Variants in USO1 observed in about 807,000 individuals in gnomAD.
The protein encoded by USO1 is general vesicular transport factor p115.
USO1 carries 57 observed loss-of-function variants against 124.5 expected under a neutral mutation model. The observed-to-expected ratio is 0.46, with a 90% confidence interval of 0.37 to 0.57. USO1 has a LOEUF of 0.57. Ranked by LOEUF, USO1 falls within the 20% of genes least tolerant of loss-of-function variation. The pLI is 0.00. For missense variants in USO1, 900 were observed against 1,040.6 expected (o/e 0.86, Z 1.86); for synonymous variants, 369 against 362.8 (o/e 1.02, Z -0.19).
chr4:75,736,194 C>T (rs1720783596), intron 1 of USO1, among the ~76,000 whole-genome samples: 1 of 151,864 alleles, frequency 6.6e-6, no homozygotes, highest in African/African-American at 2.4e-5. Flanking sequence ...TAAATCCTTC[C>T]AGACCTTTAT....
In USO1 at chr4:75,787,007, CTCAAGCCTTTTCAAA is replaced by C. The variant is rs1722380245; in HGVS notation, c.856-52_856-38del. ...TCTTGTTCACATAGATCAGATTTGC[CTCAAGCCTTTTCAAA>C]TCTTTAAAAGACAAATTTTGTTTTC... is the stretch of plus-strand genomic sequence containing the variant. On this transcript the variant is annotated intron_variant, in intron 9 of 23. Coordinates refer to ENST00000514213, the MANE Select transcript of USO1 (RefSeq NM_003715.4). 5 of 1,502,672 alleles carry C rather than the reference CTCAAGCCTTTTCAAA, an allele frequency of 3.3e-6. No homozygotes were observed. In the South Asian group the frequency reaches 7.0e-5, roughly 21 times the overall value. The allele number at this position is 1,502,672 out of a possible 1,614,324, so 93.1% of individuals were successfully genotyped here.
intron 6 of USO1, 67 bp downstream of exon 6, chr4:75,770,991 C>G: frequency 6.3e-7 from 1 of 1,597,662 alleles, no homozygotes; most frequent in Non-Finnish European, 8.5e-7. Flanking sequence ...GAGAAAGGGA[C>G]TGAAATGGTG....
rs188353788 is a variant in USO1 at position 75,778,188 on chromosome 4, C to T, written c.676+3392C>T. The stretch of plus-strand genomic sequence containing the variant: ...AAAATCTACTTTTTAACTTTTGGCT[C>T]CCCCAAAACTTAACCGCTAATAGAC... On this transcript the variant is annotated intron_variant, in intron 8 of 23. Transcript: ENST00000514213. Among the ~76,000 whole-genome samples the T allele has an allele frequency of 8.6e-4, 131 of 152,190 alleles. 2 individuals are homozygous for T. The highest frequency in any genetic ancestry group is 8.5e-4 in the Non-Finnish European group (58 of 67,996).
chr4:75,811,358 G>A (rs1194298199), intron 22 of USO1, among the ~76,000 whole-genome samples: 1 of 152,164 alleles, frequency 6.6e-6, no homozygotes, highest in African/African-American at 2.4e-5. Context: ...GATTCGCCAT[G>A]TTGGCCAGGC....
chr4:75,795,348 G>A (rs191143681), intron 13 of USO1: 30 of 702,330 alleles, frequency 4.3e-5, no homozygotes, highest in African/African-American at 2.8e-4. Context: ...TGATAAGATC[G>A]ACAGACGGGT....
chr4:75,780,619 T>C (rs1046242344), intron 8 of USO1, among the ~76,000 whole-genome samples: 3 of 145,386 alleles, frequency 2.1e-5, no homozygotes, highest in Non-Finnish European at 3.0e-5. Flanking sequence ...TTGCAGCCCA[T>C]GGATCAAGGA....
intron 13 of USO1, among the ~76,000 whole-genome samples, chr4:75,798,473 T>C (rs769946953): frequency 1.3e-5 from 2 of 152,186 alleles, no homozygotes; most frequent in Non-Finnish European, 2.9e-5. Flanking sequence ...CTTGAAGATA[T>C]ATTGTGGGCA....
chr4:75,800,480 G>C lies in USO1; in HGVS notation c.1682+11G>C, dbSNP rs533531634. ...TGAGAGCTACATGAAGTAAGTAAGG[G>C]GAAGATGGTTTTCTAATGGCATCAA... On this transcript the variant is annotated intron_variant, in intron 15 of 23. Transcript: ENST00000514213. 323 of 1,571,722 alleles carry C rather than the reference G, an allele frequency of 2.1e-4. No individual in the cohort carries two copies. The African/African-American group carries it at 3.9e-3, about 19-fold the overall frequency.
At chr4:75,749,296 T>C (rs958648609) in intron 1 of USO1, among the ~76,000 whole-genome samples, 4 of 152,192 alleles carry the variant, frequency 2.6e-5, no homozygotes, top group Admixed American at 2.6e-4. Context: ...AAATGCTATA[T>C]GTATTTGAAC....
At chr4:75,810,000 C>A (rs969876820) in intron 21 of USO1, among the ~76,000 whole-genome samples, 2 of 152,176 alleles carry the variant, frequency 1.3e-5, no homozygotes, top group African/African-American at 4.8e-5. Flanking sequence ...GGAGTGTCTC[C>A]TCTAGCACTT....
intron 10 of USO1, among the ~76,000 whole-genome samples, chr4:75,788,745 C>T (rs1245316905): frequency 6.6e-6 from 1 of 151,790 alleles, no homozygotes; most frequent in Non-Finnish European, 1.5e-5. Context: ...GGTTCCACCA[C>T]ATTGGCCAGG....
intron 17 of USO1, among the ~76,000 whole-genome samples, chr4:75,803,593 T>C (rs940383742): frequency 7.4e-5 from 11 of 149,348 alleles, no homozygotes; most frequent in Non-Finnish European, 1.0e-4. Context: ...GAGGTTGCAG[T>C]GAGCTGGATT....
chr4:75,778,605 A>G (rs79609612), intron 8 of USO1, among the ~76,000 whole-genome samples: 4,223 of 152,212 alleles, frequency 0.028, 81 homozygotes, highest in Non-Finnish European at 0.042. Flanking sequence ...GTTGCCAGGG[A>G]TTTGGGGATA....
chr4:75,812,413 G>A, intron 23 of USO1, 38 bp downstream of exon 23: 1 of 1,524,674 alleles, frequency 6.6e-7, no homozygotes, highest in East Asian at 2.4e-5. Flanking sequence ...TTTGTATTAT[G>A]TTTTAGTATA....
intron 1 of USO1, among the ~76,000 whole-genome samples, chr4:75,736,782 C>G (rs1250146002): frequency 2.6e-5 from 4 of 152,144 alleles, no homozygotes; most frequent in Non-Finnish European, 5.9e-5. Flanking sequence ...TCTCAGAGCA[C>G]CTAATACCTA....
chr4:75,735,547 G>T (rs1720765568), intron 1 of USO1, among the ~76,000 whole-genome samples: 1 of 151,938 alleles, frequency 6.6e-6, no homozygotes. Context: ...TGGAAACAGG[G>T]TCTCACTCTG....
chr4:75,755,775 C>G (rs1721424114), intron 3 of USO1, among the ~76,000 whole-genome samples: 1 of 152,050 alleles, frequency 6.6e-6, no homozygotes, highest in Admixed American at 6.6e-5. Context: ...TCAACAAAAC[C>G]TGTGAATTTT....
chr4:75,777,765 T>A (rs1722111583), intron 8 of USO1, among the ~76,000 whole-genome samples: 1 of 152,216 alleles, frequency 6.6e-6, no homozygotes, highest in Non-Finnish European at 1.5e-5. Flanking sequence ...TACAACTACT[T>A]TAGAAAACAG....
At chr4:75,787,280 G>T in intron 10 of USO1, 78 bp downstream of exon 10, 2 of 1,351,870 alleles carry the variant, frequency 1.5e-6, no homozygotes, top group Non-Finnish European at 9.6e-7. Flanking sequence ...ATTTGTTGAA[G>T]GAAAAACTAC....
Sources: allele counts gnomAD v4.1 joint callset (sites outside exome capture counted in the v4.1 genomes callset), GRCh38; gene constraint gnomAD v4.1.1; transcripts MANE v1.5; gene names NCBI Gene and HGNC (gene_info 2026-07-23, HGNC 2026-07-21).